Variants in KCNJ3 observed in about 807,000 individuals in gnomAD.
The protein encoded by KCNJ3 is potassium inwardly rectifying channel subfamily J member 3.
A neutral mutation model predicts 39.2 loss-of-function variants in KCNJ3; 4 were observed. That is an observed-to-expected ratio of 0.10 (90% CI 0.05 to 0.23). The LOEUF is 0.23. Among genes scored for constraint, KCNJ3 ranks in the 10% least tolerant of loss-of-function variants. The pLI is 1.00. For synonymous variants in KCNJ3, 230 were observed against 237.4 expected, an observed-to-expected ratio of 0.97 and a Z score of 0.29; for missense variants, 276 against 634.9, an observed-to-expected ratio of 0.43 and a Z score of 6.08.
At chr2:154,806,344 T>A (rs1341353061) in intron 2 of KCNJ3, among the ~76,000 whole-genome samples, 1 of 152,134 alleles carries the variant, frequency 6.6e-6, no homozygotes, top group African/African-American at 2.4e-5. Context: ...CAGACAGATG[T>A]TACACAAGCA....
In KCNJ3 at chr2:154,709,563, C is replaced by T. The variant is rs769799515; in HGVS notation, c.703-40C>T. 7.5e-6 allele frequency: 12 copies of T among 1,594,592 alleles called. No individual in the cohort carries two copies. The South Asian group carries it at 1.4e-4, about 18-fold the overall frequency. On this transcript the variant is annotated intron_variant, in intron 1 of 2. Transcript: ENST00000295101. ...TTGGGCTGCCTTGAAATTTTCAGTA[C>T]AAGTGGTGATTTCTTCTCTTTTTCT...
intron 2 of KCNJ3, among the ~76,000 whole-genome samples, chr2:154,713,134 T>C (rs188544629): frequency 3.3e-5 from 5 of 151,950 alleles, no homozygotes; most frequent in African/African-American, 1.2e-4. Context: ...AGTGTTAGGA[T>C]TTCATTAAAA....
chr2:154,785,776 A>T (rs967326401), intron 2 of KCNJ3, among the ~76,000 whole-genome samples: 5 of 152,196 alleles, frequency 3.3e-5, no homozygotes, highest in African/African-American at 1.2e-4. Flanking sequence ...GTCTCTGTGC[A>T]TTCAAATTTC....
chr2:154,728,228 G>A (rs973391876), intron 2 of KCNJ3, among the ~76,000 whole-genome samples: 20 of 152,038 alleles, frequency 1.3e-4, no homozygotes, highest in African/African-American at 4.6e-4. Context: ...TAATGATAGT[G>A]TGGTTATAGC....
intron 1 of KCNJ3, among the ~76,000 whole-genome samples, chr2:154,700,164 G>C (rs1684862954): frequency 6.6e-6 from 1 of 152,142 alleles, no homozygotes; most frequent in Non-Finnish European, 1.5e-5. Flanking sequence ...TTTTCCTGTA[G>C]AGCCTCTTGT....
chr2:154,742,525 T>G (rs1685670308), intron 2 of KCNJ3, among the ~76,000 whole-genome samples: 1 of 151,868 alleles, frequency 6.6e-6, no homozygotes, highest in Non-Finnish European at 1.5e-5. Flanking sequence ...CCTCTACGTG[T>G]TCACCAGCAC....
chr2:154,718,309 TA>T (rs1368042591), intron 2 of KCNJ3, among the ~76,000 whole-genome samples: 2 of 152,194 alleles, frequency 1.3e-5, no homozygotes, highest in Non-Finnish European at 2.9e-5. Context: ...AGCAACTTTT[TA>T]TGAGGAGTTC....
intron 2 of KCNJ3, among the ~76,000 whole-genome samples, chr2:154,837,172 C>CATCT (rs1157687143): frequency 2.0e-5 from 3 of 152,092 alleles, no homozygotes; most frequent in East Asian, 1.9e-4. Context: ...ACTAGATATG[C>CATCT]ATCTATCTGT....
intron 2 of KCNJ3, among the ~76,000 whole-genome samples, chr2:154,821,681 G>A (rs919653444): frequency 1.5e-4 from 18 of 117,592 alleles, no homozygotes; most frequent in South Asian, 2.7e-4. Context: ...TCACTCTGTC[G>A]TCCAGGCTAG....
At chr2:154,830,924 A>G (rs577243369) in intron 2 of KCNJ3, among the ~76,000 whole-genome samples, 1 of 152,286 alleles carries the variant, frequency 6.6e-6, no homozygotes, top group African/African-American at 2.4e-5. Context: ...GAGTATGTCC[A>G]TCTTCATCAT....
intron 2 of KCNJ3, among the ~76,000 whole-genome samples, chr2:154,835,864 A>G (rs1390449963): frequency 6.6e-6 from 1 of 152,162 alleles, no homozygotes; most frequent in African/African-American, 2.4e-5. Flanking sequence ...ATTTTCTGAA[A>G]GGTCACCAGA....
intron 2 of KCNJ3, among the ~76,000 whole-genome samples, chr2:154,713,767 C>T (rs570447878): frequency 6.6e-6 from 1 of 152,356 alleles, no homozygotes; most frequent in African/African-American, 2.4e-5. Context: ...GAGAGCACTG[C>T]TAGAGGCAAA....
chr2:154,738,828 A>G (rs1179457973), intron 2 of KCNJ3, among the ~76,000 whole-genome samples: 2 of 152,004 alleles, frequency 1.3e-5, no homozygotes, highest in African/African-American at 4.8e-5. Context: ...TTTTTCACAC[A>G]TACAAAATTG....
At chr2:154,712,374 G>A (rs1428993344) in intron 2 of KCNJ3, among the ~76,000 whole-genome samples, 1 of 152,114 alleles carries the variant, frequency 6.6e-6, no homozygotes, top group East Asian at 1.9e-4. Flanking sequence ...GATCTTATGG[G>A]ATTGTTTCAG....
intron 2 of KCNJ3, among the ~76,000 whole-genome samples, chr2:154,808,477 AG>A (rs1461226068): frequency 6.7e-6 from 1 of 150,202 alleles, no homozygotes; most frequent in African/African-American, 2.5e-5. Flanking sequence ...CAGTGCACTC[AG>A]TTAGTGATCA....
At chr2:154,831,757 G>A (rs1312541563) in intron 2 of KCNJ3, among the ~76,000 whole-genome samples, 1 of 152,182 alleles carries the variant, frequency 6.6e-6, no homozygotes, top group Admixed American at 6.5e-5. Context: ...AGGGAACATT[G>A]CTTTGATTAC....
chr2:154,730,323 G>A (rs374177303), intron 2 of KCNJ3, among the ~76,000 whole-genome samples: 1 of 152,092 alleles, frequency 6.6e-6, no homozygotes, highest in Non-Finnish European at 1.5e-5. Context: ...CCTTCTCTTA[G>A]TAAGAAATAA....
chr2:154,716,576 A>G (rs181509131), intron 2 of KCNJ3, among the ~76,000 whole-genome samples: 1 of 152,250 alleles, frequency 6.6e-6, no homozygotes, highest in African/African-American at 2.4e-5. Context: ...TAATTAACAC[A>G]TTATTAAAAA....
chr2:154,751,544 GT>G (rs1198619705), intron 2 of KCNJ3, among the ~76,000 whole-genome samples: 1 of 151,894 alleles, frequency 6.6e-6, no homozygotes, highest in East Asian at 1.9e-4. Context: ...GTGCCTTTCT[GT>G]GTATTTATTA....
Sources: gnomAD v4.1 joint callset for allele counts (sites outside exome capture counted in the v4.1 genomes callset) on GRCh38, gnomAD v4.1.1 for gene constraint, MANE v1.5 for transcripts, NCBI Gene and HGNC (gene_info 2026-07-23, HGNC 2026-07-21) for gene names.